Variants in SHF observed in about 807,000 individuals in gnomAD.
SHF encodes the protein SH2 domain-containing adapter protein F.
Under a neutral mutation model 42.4 loss-of-function variants are expected in SHF, and 30 were observed. The ratio of observed to expected loss-of-function variants is 0.71; its 90% CI spans 0.53 to 0.96. The LOEUF is 0.96. Among genes scored for constraint, SHF ranks in the 40% least tolerant of loss-of-function variants. The pLI is 0.00. For missense variants in SHF, 598 were observed against 634.0 expected, an observed-to-expected ratio of 0.94 and a Z score of 0.61; for synonymous variants, 264 against 269.9, an observed-to-expected ratio of 0.98 and a Z score of 0.21.
intron 2 of SHF, among the ~76,000 whole-genome samples, chr15:45,175,879 C>T (rs1897782189): frequency 6.6e-6 from 1 of 150,846 alleles, no homozygotes; most frequent in Non-Finnish European, 1.5e-5. Flanking sequence ...AGTGCAATGG[C>T]ACGATCTCGG....
At chr15:45,168,237 G>T in intron 6 of SHF, 104 bp from the exon 7 acceptor site, 1 of 1,138,148 alleles carries the variant, frequency 8.8e-7, no homozygotes, top group Non-Finnish European at 1.2e-6. Context: ...TGGTGGTTCC[G>T]AAGCCAGCTG....
At chr15:45,197,553 T>A (rs995691041) in intron 2 of SHF, among the ~76,000 whole-genome samples, 3 of 152,160 alleles carry the variant, frequency 2.0e-5, no homozygotes, top group Non-Finnish European at 4.4e-5. Context: ...CCTTCCCACC[T>A]GAAATCAAAA....
chr15:45,191,007 C>T (rs550327132), upstream of SHF, among the ~76,000 whole-genome samples: 1 of 152,182 alleles, frequency 6.6e-6, no homozygotes, highest in Non-Finnish European at 1.5e-5. Context: ...AGAGGTGAGG[C>T]CATCACAGCA....
Position 45,187,054 on chromosome 15 carries a change from G to T in SHF, c.498+400C>A, listed in dbSNP as rs539146246. On this transcript the variant is annotated intron_variant, in intron 1 of 6. Transcript: ENST00000690270. ...GCTATGCCCAGGGGGAAGGGTCAGA[G>T]ATCAAAGGGCACTGAGCCGCTGCTT... is the stretch of plus-strand genomic sequence containing the variant. Among the ~76,000 whole-genome samples the T allele has an allele frequency of 2.0e-5, 3 of 152,370 alleles. No homozygotes were observed. The East Asian group carries it at 5.8e-4, about 29-fold the overall frequency.
exon 1 of SHF, chr15:45,201,033 A>G (rs1292447136): frequency 1.4e-5 from 5 of 353,110 alleles, no homozygotes; most frequent in African/African-American, 1.1e-4. Context: ...CTTGCGGGTG[A>G]ACGTGGGTGC....
intron 4 of SHF, among the ~76,000 whole-genome samples, chr15:45,172,820 C>T (rs1897579088): frequency 6.6e-6 from 1 of 152,192 alleles, no homozygotes; most frequent in South Asian, 2.1e-4. Context: ...AGCCACCAGC[C>T]AGCCTGTCCC....
intron 4 of SHF, among the ~76,000 whole-genome samples, 160 bp from the exon 5 acceptor site, chr15:45,172,478 G>A (rs920262065): frequency 2.6e-5 from 4 of 152,190 alleles, no homozygotes; most frequent in African/African-American, 7.2e-5. Context: ...ACTGGCTCTG[G>A]GGACGTAATC....
Position 45,178,187 on chromosome 15 carries a change from A to G in SHF, c.618T>C (p.Tyr206=), listed in dbSNP as rs1176736058. 1 of 1,613,184 alleles carries G rather than the reference A, an allele frequency of 6.2e-7. No individual in the cohort carries two copies. Among genetic ancestry groups the G allele is most frequent in the Non-Finnish European group, 8.5e-7 (1 of 1,179,876 alleles). ...CACCGGCCATCATCTTTTGAGCCTC[A>G]TAGGGCTCCATGTAGCCATCATTTT... ...VPENDGYMEP[Y]EAQKMMAEIR... is the part of the protein sequence containing the mutation. The change falls in exon 2 of 7, where the codon TAT becomes TAC. Residue 206 remains tyrosine (Y), a synonymous_variant. Transcript: ENST00000690270.
At chr15:45,193,032 T>G (rs1179503550) in intron 2 of SHF, among the ~76,000 whole-genome samples, 1 of 152,250 alleles carries the variant, frequency 6.6e-6, no homozygotes, top group African/African-American at 2.4e-5. Context: ...CTTTACAATT[T>G]AAAGAAAGCT....
chr15:45,190,592 G>A (rs971036326), upstream of SHF, among the ~76,000 whole-genome samples: 12 of 152,260 alleles, frequency 7.9e-5, no homozygotes, highest in African/African-American at 2.9e-4. Context: ...ACAGCTCAGA[G>A]GAATGAAATC....
At chr15:45,194,178 T>C (rs1406438931) in intron 2 of SHF, among the ~76,000 whole-genome samples, 2 of 151,710 alleles carry the variant, frequency 1.3e-5, no homozygotes, top group East Asian at 3.9e-4. Flanking sequence ...GCTGGCATTC[T>C]TCTGTAAAGG....
chr15:45,173,911 G>T (rs901781132), intron 3 of SHF, among the ~76,000 whole-genome samples, 195 bp from the exon 4 acceptor site: 4 of 152,210 alleles, frequency 2.6e-5, no homozygotes, highest in Non-Finnish European at 4.4e-5. Context: ...GACCACACCA[G>T]GTTGGCCTGG....
rs146284663 is a variant in SHF at position 45,200,269 on chromosome 15, C to T, written c.-47+458G>A. The T allele has an allele frequency of 7.9e-3, 1,304 of 164,932 alleles. 12 individuals are homozygous for T. Among genetic ancestry groups the T allele is most frequent in the South Asian group, 0.037 (259 of 6,954 alleles). The allele number at this position is 164,932 out of a possible 1,614,324, so 10.2% of individuals were successfully genotyped here. ...CGGAAGCCTATATCTTTCCAAAGTC[C>T]AATTTAGCCAGAGCCAGCGTAAACG... On this transcript the variant is annotated intron_variant, in intron 1 of 7. Transcript: ENST00000290894.
chr15:45,199,083 G>A, exon 2 of SHF: 1 of 1,565,256 alleles, frequency 6.4e-7, no homozygotes, highest in Non-Finnish European at 8.7e-7. Flanking sequence ...ATCCTCCAGC[G>A]GTGACCCAAT....
rs372948670 is a variant in SHF, at chr15:45,171,925, C to T, written c.1238G>A (p.Arg413His). The T allele has an allele frequency of 2.5e-6, 4 of 1,613,696 alleles. No homozygotes were observed. The African/African-American group carries it at 4.0e-5, about 16-fold the overall frequency. ...RLCKEASYLV[R>H]NSETSKNDFS... ...GTCATTCTTGCTGGTCTCACTGTTG[C>T]GCACCAGGTAGCTGGCCTCTTTGCA... The change falls in exon 6 of 7, where the codon CGC becomes CAC. Residue 413 changes from arginine to histidine, a missense_variant. Physicochemically the swap from Arg to His is conservative, Grantham distance 29. Around this residue, in one of 2 missense-constraint regions of SHF, gnomAD observed 439 missense variants for 524.6 expected, o/e 0.84. Transcript: ENST00000690270.
chr15:45,173,833 G>T, intron 3 of SHF, 117 bp from the exon 4 acceptor site: 1 of 903,930 alleles, frequency 1.1e-6, no homozygotes, highest in Non-Finnish European at 1.7e-6. Context: ...AATGAGGAGG[G>T]GCAGAGGCAG....
chr15:45,183,284 A>G (rs145761300), intron 1 of SHF, among the ~76,000 whole-genome samples: 1 of 152,032 alleles, frequency 6.6e-6, no homozygotes, highest in Non-Finnish European at 1.5e-5. Flanking sequence ...TGGGGATAGT[A>G]GTAGAATCTT....
chr15:45,195,117 C>G (rs1898827154), intron 2 of SHF, among the ~76,000 whole-genome samples: 1 of 152,174 alleles, frequency 6.6e-6, no homozygotes, highest in Non-Finnish European at 1.5e-5. Flanking sequence ...TAGGCATGAG[C>G]CACTGTGCCT....
At chr15:45,173,416 G>A (rs966384727) in intron 4 of SHF, among the ~76,000 whole-genome samples, 160 bp downstream of exon 4, 19 of 152,216 alleles carry the variant, frequency 1.2e-4, no homozygotes, top group Admixed American at 6.5e-5. Context: ...CACAGCTGTG[G>A]GGAAGGGAGG....
Sources: gnomAD v4.1 joint callset for allele counts (sites outside exome capture counted in the v4.1 genomes callset) on GRCh38, gnomAD v4.1.1 for gene constraint, gnomAD v4.1.1 regional missense constraint, MANE v1.5 for transcripts, NCBI Gene and HGNC (gene_info 2026-07-23, HGNC 2026-07-21) for gene names.